CMTM4: variants seen among roughly 807,000 people sequenced by gnomAD.
CMTM4 encodes the protein CKLF-like MARVEL transmembrane domain-containing protein 4.
A neutral mutation model predicts 19.0 loss-of-function variants in CMTM4; 8 were observed. That is an observed-to-expected ratio of 0.42 (90% CI 0.25 to 0.76). CMTM4 has a LOEUF of 0.76. Among genes scored for constraint, CMTM4 ranks in the 30% least tolerant of loss-of-function variants. The pLI is 0.27. For missense variants in CMTM4, 228 were observed against 290.2 expected (o/e 0.79, Z 1.56); for synonymous variants, 106 against 121.1 (o/e 0.88, Z 0.82).
chr16:66,617,718 A>G lies in CMTM4; in HGVS notation c.*4340T>C. ...TACAAAGCGCCAGGGAAGTTTACAA[A>G]GCTAAAAGCTGAGGGTGTCAGGCCT... is the stretch of plus-strand genomic sequence containing the variant. On this transcript the variant is annotated 3_prime_UTR_variant, in exon 4 of 4. Coordinates refer to ENST00000394106, the MANE Select transcript of CMTM4 (RefSeq NM_181521.3). 9.6e-7 allele frequency: 1 copy of G among 1,040,390 alleles called. No homozygotes were observed. Among genetic ancestry groups the G allele is most frequent in the Non-Finnish European group, 1.2e-6 (1 of 864,340 alleles). The allele number at this position is 1,040,390 out of a possible 1,614,324, so 64.4% of individuals were successfully genotyped here. A position where few individuals can be genotyped will look rare whatever the true frequency, so the allele number is the denominator to read the frequency against.
chr16:66,670,553 G>A (rs1213611889), intron 1 of CMTM4, among the ~76,000 whole-genome samples: 1 of 151,874 alleles, frequency 6.6e-6, no homozygotes, highest in African/African-American at 2.4e-5. Flanking sequence ...TGTAATCCCA[G>A]CACTTTGGGA....
At chr16:66,626,612 AAAAC>A (rs2015744766) in intron 2 of CMTM4, among the ~76,000 whole-genome samples, 3 of 151,974 alleles carry the variant, frequency 2.0e-5, no homozygotes, top group African/African-American at 7.3e-5. Flanking sequence ...TCTCAAAAAA[AAAAC>A]AAAGTTAGCT....
chr16:66,601,126 T>TGTGC, the CMTM4 span, among the ~76,000 whole-genome samples: 2 of 151,910 alleles, frequency 1.3e-5, no homozygotes, highest in African/African-American at 4.8e-5. Flanking sequence ...TGTGTGTGTG[T>TGTGC]GTGTGTGTTT....
At chr16:66,609,446 C>T in the CMTM4 span, 3 of 1,612,770 alleles carry the variant, frequency 1.9e-6, no homozygotes, top group African/African-American at 2.7e-5. This position sits in a 1 kb window ranked among gnomAD's most constrained non-coding sequence, Gnocchi z 4.4. Context: ...ACTTCCTGCG[C>T]TGTGTCACCG....
chr16:66,613,193 C>T (rs2015449369), downstream of CMTM4: 1 of 696,632 alleles, frequency 1.4e-6, no homozygotes, highest in South Asian at 1.5e-5. Flanking sequence ...AGAAATTGAC[C>T]TTTGCCTTGT....
chr16:66,677,160 G>A (rs1242079498), intron 1 of CMTM4, among the ~76,000 whole-genome samples: 2 of 152,200 alleles, frequency 1.3e-5, no homozygotes, highest in Non-Finnish European at 2.9e-5. Context: ...CACTTGGGAC[G>A]AGGAAGGTTG....
chr16:66,693,147 C>G (rs1313976907), intron 1 of CMTM4, among the ~76,000 whole-genome samples: 5 of 152,054 alleles, frequency 3.3e-5, no homozygotes, highest in African/African-American at 1.2e-4. Flanking sequence ...TTGCTTGAAC[C>G]CAGGAGGCGG....
the CMTM4 span, among the ~76,000 whole-genome samples, chr16:66,598,944 G>A: frequency 3.3e-5 from 5 of 151,780 alleles, no homozygotes; most frequent in Non-Finnish European, 7.4e-5. Context: ...AGACCAGCCA[G>A]GGCAACATAT....
intron 1 of CMTM4, among the ~76,000 whole-genome samples, chr16:66,688,476 A>G: frequency 6.6e-6 from 1 of 151,948 alleles, no homozygotes; most frequent in South Asian, 2.1e-4. Context: ...CAAAAGTCTC[A>G]TGGCCGATAA....
At chr16:66,662,193 G>T (rs1335940851) in intron 1 of CMTM4, among the ~76,000 whole-genome samples, 1 of 152,224 alleles carries the variant, frequency 6.6e-6, no homozygotes, top group Non-Finnish European at 1.5e-5. Context: ...CCCACTGAAT[G>T]CTGCTATCAA....
chr16:66,612,143 G>A (rs114340695), downstream of CMTM4, among the ~76,000 whole-genome samples: 292 of 152,232 alleles, frequency 1.9e-3, 1 homozygote, highest in African/African-American at 6.6e-3. This position sits in a 1 kb window ranked among gnomAD's most constrained non-coding sequence, Gnocchi z 6.0. Context: ...GGCCGGGCAC[G>A]GTGGCTCACG....
At position 66,627,662 on chromosome 16, in the gene CMTM4, C is replaced by T. The variant is rs1225759974; in HGVS notation, c.364-4160G>A. Among the ~76,000 whole-genome samples the T allele has an allele frequency of 2.0e-5, 3 of 152,260 alleles. 1 individual carries two copies. In the South Asian group the frequency reaches 6.2e-4, roughly 32 times the overall value. ...TTTTTTTTCCTGTGTGTGAAATCTG[C>T]CACAAATATTCTGGACATTTCATAC... On this transcript the variant is annotated intron_variant, in intron 2 of 3. Coordinates refer to ENST00000394106, the MANE Select transcript of CMTM4 (RefSeq NM_181521.3).
At chr16:66,681,237 CA>C (rs987115210) in intron 1 of CMTM4, among the ~76,000 whole-genome samples, 48 of 151,850 alleles carry the variant, frequency 3.2e-4, no homozygotes, top group African/African-American at 1.1e-3. Context: ...AAAGGAAAAA[CA>C]AATGAAAAAT....
chr16:66,632,272 C>T (rs1236071027), intron 2 of CMTM4, among the ~76,000 whole-genome samples: 2 of 152,150 alleles, frequency 1.3e-5, no homozygotes, highest in African/African-American at 4.8e-5. Flanking sequence ...AACACGGAGG[C>T]CCCGTCCCAG....
rs555769905 is a variant in CMTM4, at chr16:66,656,221, C to T, written c.187-19640G>A. On this transcript the variant is annotated intron_variant, in intron 1 of 3. Coordinates refer to ENST00000394106, the MANE Select transcript of CMTM4 (RefSeq NM_181521.3). The stretch of plus-strand genomic sequence containing the variant: ...AAGAAGGGAGAAGGAAAAACTCTTT[C>T]CTACAGTTGAAAATCCAACCAACAA... Among the ~76,000 whole-genome samples, 3 of 152,262 alleles carry T rather than the reference C, an allele frequency of 2.0e-5. No individual in the cohort carries two copies. The East Asian group carries it at 5.8e-4, about 29-fold the overall frequency.
downstream of CMTM4, chr16:66,610,889 C>G (rs1204783216): frequency 2.5e-6 from 1 of 398,522 alleles, no homozygotes; most frequent in East Asian, 3.6e-5. The surrounding 1 kb of genome is among the most constrained non-coding windows in gnomAD (Gnocchi z 4.6). Flanking sequence ...ATCCCAGAAA[C>G]CGTCCTTCTG....
At chr16:66,645,129 CA>C (rs1313576686) in intron 1 of CMTM4, among the ~76,000 whole-genome samples, 2 of 151,938 alleles carry the variant, frequency 1.3e-5, no homozygotes, top group Non-Finnish European at 2.9e-5. Flanking sequence ...ACTAAAAATA[CA>C]AAAATTATCT....
At chr16:66,612,486 G>C (rs142157932), downstream of CMTM4, 8,014 of 956,976 alleles carry the variant, frequency 8.4e-3, 54 homozygotes, top group Admixed American at 0.01. The surrounding 1 kb of genome is among the most constrained non-coding windows in gnomAD (Gnocchi z 6.0). Flanking sequence ...GAACGGTAGA[G>C]TCAGCTGCAG....
chr16:66,647,716 T>TA (rs201544431), intron 1 of CMTM4, among the ~76,000 whole-genome samples: 80 of 151,208 alleles, frequency 5.3e-4, no homozygotes, highest in African/African-American at 1.7e-3. Context: ...TTTCTTTTTT[T>TA]AAAAAAAAAT....
Sources: allele counts gnomAD v4.1 joint callset (sites outside exome capture counted in the v4.1 genomes callset), GRCh38; gene constraint gnomAD v4.1.1; non-coding constraint Gnocchi (gnomAD v3.1); transcripts MANE v1.5; gene names NCBI Gene and HGNC (gene_info 2026-07-23, HGNC 2026-07-21).